C12orf50: variants seen among roughly 807,000 people sequenced by gnomAD.
C12orf50 encodes uncharacterized protein C12orf50.
In C12orf50, 35 loss-of-function variants were observed where a neutral mutation model predicts 61.6. The ratio of observed to expected loss-of-function variants is 0.57; its 90% confidence interval spans 0.43 to 0.75. C12orf50 has a LOEUF of 0.75. Among genes scored for constraint, C12orf50 ranks in the 30% least tolerant of loss-of-function variants. C12orf50 has a pLI of 0.00. For synonymous variants in C12orf50, 178 were observed against 161.5 expected (o/e 1.10, Z -0.77); for missense variants, 475 against 488.5 (o/e 0.97, Z 0.26).
At chr12:88,020,754 C>A (rs1282700445) in intron 3 of C12orf50, among the ~76,000 whole-genome samples, 4 of 151,952 alleles carry the variant, frequency 2.6e-5, no homozygotes, top group Non-Finnish European at 5.9e-5. Context: ...CATCACATGA[C>A]ACATCCTCCA....
At chr12:87,993,994 G>T (rs1346594293) in intron 7 of C12orf50, among the ~76,000 whole-genome samples, 1 of 152,094 alleles carries the variant, frequency 6.6e-6, no homozygotes, top group African/African-American at 2.4e-5. Context: ...GAGGTAAGGA[G>T]TTTGAGGCCA....
At chr12:88,029,756 A>C (rs2032829965), upstream of C12orf50, among the ~76,000 whole-genome samples, 1 of 152,174 alleles carries the variant, frequency 6.6e-6, no homozygotes, top group Non-Finnish European at 1.5e-5. Context: ...TTCTAAGATA[A>C]TAAAAACAAT....
chr12:88,021,966 G>A (rs559024506), intron 3 of C12orf50, among the ~76,000 whole-genome samples: 22 of 151,798 alleles, frequency 1.4e-4, no homozygotes, highest in African/African-American at 5.3e-4. Context: ...AATTGAGGAT[G>A]AAGGACTCCT....
intron 3 of C12orf50, among the ~76,000 whole-genome samples, chr12:88,020,755 A>G (rs1358308875): frequency 6.6e-6 from 1 of 152,156 alleles, no homozygotes; most frequent in Non-Finnish European, 1.5e-5. Flanking sequence ...ATCACATGAC[A>G]CATCCTCCAA....
chr12:87,985,618 T>C (rs1239587622), intron 11 of C12orf50: 1 of 561,276 alleles, frequency 1.8e-6, no homozygotes, highest in East Asian at 3.0e-5. Context: ...AAAAAAACTC[T>C]AGGGAGGTGC....
At chr12:88,019,342 A>G (rs928051304) in intron 3 of C12orf50, among the ~76,000 whole-genome samples, 6 of 152,130 alleles carry the variant, frequency 3.9e-5, no homozygotes, top group African/African-American at 1.4e-4. Context: ...GCCTTCCTCA[A>G]TGATTTGGAG....
At chr12:88,011,154 T>C (rs1239629761) in intron 3 of C12orf50, among the ~76,000 whole-genome samples, 1 of 152,140 alleles carries the variant, frequency 6.6e-6, no homozygotes, top group Non-Finnish European at 1.5e-5. Context: ...TGATTACCTA[T>C]TATTTTTGCT....
At chr12:88,020,126 C>T (rs922515457) in intron 3 of C12orf50, among the ~76,000 whole-genome samples, 2 of 152,130 alleles carry the variant, frequency 1.3e-5, no homozygotes, top group African/African-American at 4.8e-5. Flanking sequence ...AAAGTAACCA[C>T]ACAAACAAGT....
rs140773523 is a variant in C12orf50 at position 88,019,219 on chromosome 12, G to A, written c.133+7269C>T. On this transcript the variant is annotated intron_variant, in intron 3 of 12. Transcript: ENST00000298699. ...GGCAGGTATTTCCCATGCTGTTCTC[G>A]TGATAGTGAGTAAGTCTCATGAGAT... Among the ~76,000 whole-genome samples, 868 of 152,178 alleles carry A rather than the reference G, an allele frequency of 5.7e-3. 10 individuals carry two copies. The highest frequency in any genetic ancestry group is 0.02 in the African/African-American group (832 of 41,502).
At chr12:88,014,183 A>G (rs1242510452) in intron 3 of C12orf50, among the ~76,000 whole-genome samples, 1 of 152,214 alleles carries the variant, frequency 6.6e-6, no homozygotes, top group Non-Finnish European at 1.5e-5. Context: ...AGCCCCTCAG[A>G]AGGCAGAAGA....
At chr12:87,991,326 A>C (rs1391065122) in intron 7 of C12orf50, among the ~76,000 whole-genome samples, 1 of 152,166 alleles carries the variant, frequency 6.6e-6, no homozygotes, top group Non-Finnish European at 1.5e-5. Flanking sequence ...TTGAGCAAAA[A>C]CCTGAGGAAA....
At chr12:88,011,873 A>G (rs1442140850) in intron 3 of C12orf50, among the ~76,000 whole-genome samples, 1 of 152,102 alleles carries the variant, frequency 6.6e-6, no homozygotes, top group Non-Finnish European at 1.5e-5. Flanking sequence ...CTTAAATCAA[A>G]TTGAGTTGGG....
intron 6 of C12orf50, among the ~76,000 whole-genome samples, chr12:87,996,080 G>T (rs564499050): frequency 8.5e-4 from 130 of 152,188 alleles, no homozygotes; most frequent in African/African-American, 3.0e-3. Flanking sequence ...TTGGCAGGGG[G>T]ATTTATTTCA....
intron 6 of C12orf50, 144 bp downstream of exon 6, chr12:87,996,230 T>C (rs762379693): frequency 1.5e-6 from 1 of 647,088 alleles, no homozygotes; most frequent in Non-Finnish European, 2.7e-6. Context: ...CTTTGGGTCA[T>C]CCAATACAAA....
At chr12:88,005,889 G>C (rs2031845798) in intron 3 of C12orf50, among the ~76,000 whole-genome samples, 1 of 145,304 alleles carries the variant, frequency 6.9e-6, no homozygotes, top group Non-Finnish European at 1.5e-5. Flanking sequence ...ATTGACAAAG[G>C]ACTATGTTTT....
intron 6 of C12orf50, among the ~76,000 whole-genome samples, chr12:87,995,066 A>G (rs1403331077): frequency 6.6e-6 from 1 of 152,098 alleles, no homozygotes; most frequent in African/African-American, 2.4e-5. Flanking sequence ...ATTACTTTTG[A>G]TTTTATCTGT....
intron 3 of C12orf50, among the ~76,000 whole-genome samples, chr12:88,018,576 T>C (rs2032397626): frequency 6.6e-6 from 1 of 152,158 alleles, no homozygotes; most frequent in African/African-American, 2.4e-5. Flanking sequence ...GACCCCAGAA[T>C]GGGTAGATTC....
At chr12:87,984,748 T>A (rs1221275346) in intron 11 of C12orf50, 1 of 152,194 alleles carries the variant, frequency 6.6e-6, no homozygotes, top group East Asian at 1.9e-4. Context: ...TGTGTTGACA[T>A]TTGCACTAAT....
At chr12:88,026,635 G>C (rs781132857) in intron 2 of C12orf50, 27 bp from the exon 3 acceptor site, 3 of 1,609,104 alleles carry the variant, frequency 1.9e-6, no homozygotes, top group Non-Finnish European at 2.5e-6. Context: ...TGGGGGAAAT[G>C]TAATGATTAG....
Sources: gnomAD v4.1 joint callset for allele counts (sites outside exome capture counted in the v4.1 genomes callset) on GRCh38, gnomAD v4.1.1 for gene constraint, MANE v1.5 for transcripts, NCBI Gene and HGNC (gene_info 2026-07-23, HGNC 2026-07-21) for gene names.